AKAP11: variants seen among roughly 807,000 people sequenced by gnomAD.
AKAP11 encodes the protein A-kinase anchoring protein 11, also known as A-kinase anchor protein 11.
A neutral mutation model predicts 146.1 loss-of-function variants in AKAP11; 36 were observed. That is an observed-to-expected ratio of 0.25 (90% CI 0.19 to 0.33). AKAP11 has a LOEUF of 0.33. Ranked by LOEUF, AKAP11 falls within the 10% of genes least tolerant of loss-of-function variation. The probability of loss-of-function intolerance (pLI) is 1.00; values close to 1 mark genes in which losing one functional copy is unlikely to be tolerated. For missense variants in AKAP11, 2,201 were observed against 2,197.0 expected (o/e 1.00, Z -0.04); for synonymous variants, 780 against 786.5 (o/e 0.99, Z 0.14).
At chr13:42,295,122 T>A (rs924065962) in intron 4 of AKAP11, among the ~76,000 whole-genome samples, 4 of 152,164 alleles carry the variant, frequency 2.6e-5, no homozygotes, top group Non-Finnish European at 5.9e-5. Context: ...GGAAGGCCTC[T>A]CTGAGGAGGT....
At chr13:42,296,527 A>C (rs900182266) in intron 5 of AKAP11, among the ~76,000 whole-genome samples, 1 of 152,136 alleles carries the variant, frequency 6.6e-6, no homozygotes, top group Admixed American at 6.5e-5. Flanking sequence ...ATAAAGGGCA[A>C]ACAAGAAGAA....
chr13:42,288,682 G>T (rs1375874178), intron 3 of AKAP11, among the ~76,000 whole-genome samples: 1 of 152,202 alleles, frequency 6.6e-6, no homozygotes, highest in East Asian at 1.9e-4. Context: ...GCCTTTGGCA[G>T]TTAGGACTTA....
At chr13:42,305,566 G>A (rs115955854) in intron 8 of AKAP11, among the ~76,000 whole-genome samples, 4,897 of 152,068 alleles carry the variant, frequency 0.032, 110 homozygotes, top group Middle Eastern at 0.048. Flanking sequence ...TTTGTGATGT[G>A]GAAATTATAT....
rs554550769 is a variant in AKAP11, at chr13:42,303,471, T to G, written c.4725T>G (p.Tyr1575Ter). The part of the protein sequence containing the change: ...ETTKSADRVT[Y>*]AEKLSPLTGQ... ...CAAAATCAGCAGACAGGGTCACTTATGCAGAAAAGTTGTCACCTCTTACAG... is the reference window on the plus strand; with the variant it reads ...CAAAATCAGCAGACAGGGTCACTTAGGCAGAAAAGTTGTCACCTCTTACAG... The change falls in exon 8 of 13, where the codon TAT becomes TAG. Residue 1575 changes from tyrosine to a stop codon, truncating the protein, a stop_gained. Coordinates refer to ENST00000025301, the MANE Select transcript of AKAP11 (RefSeq NM_016248.4). LOFTEE classifies it high-confidence loss of function. 1 of 1,614,200 alleles carries G rather than the reference T, an allele frequency of 6.2e-7. No individual in the cohort carries two copies. Among genetic ancestry groups the G allele is most frequent in the Non-Finnish European group, 8.5e-7 (1 of 1,180,022 alleles).
chr13:42,271,769 G>T (rs1958771719), upstream of AKAP11, among the ~76,000 whole-genome samples: 1 of 152,028 alleles, frequency 6.6e-6, no homozygotes, highest in South Asian at 2.1e-4. Context: ...CCGCAGGTTC[G>T]TAGGTCGCCC....
rs1180073248 is a variant in AKAP11, at chr13:42,308,523, T to C, written c.5187T>C (p.Gly1729=). ...GCCAGCAGATGAACCTCAGTATTGGTGATGACAGCACTGGTAGCTGGTCCA... is the reference window on the plus strand; with the variant it reads ...GCCAGCAGATGAACCTCAGTATTGGCGATGACAGCACTGGTAGCTGGTCCA... The part of the protein sequence containing the change: ...VSSQQMNLSI[G]DDSTGSWSNL... Residue 1729 remains glycine, a synonymous_variant, in exon 9 of 13, where the codon GGT becomes GGC. Coordinates refer to ENST00000025301, the MANE Select transcript of AKAP11 (RefSeq NM_016248.4). 1 of 1,613,460 alleles carries C rather than the reference T, an allele frequency of 6.2e-7. No homozygotes were observed. The highest frequency in any genetic ancestry group is 8.5e-7 in the Non-Finnish European group (1 of 1,179,518).
chr13:42,301,178 A>T lies in AKAP11; in HGVS notation c.2432A>T (p.Asn811Ile), dbSNP rs774148499. The T allele has an allele frequency of 6.2e-7, 1 of 1,614,122 alleles. No homozygotes were observed. Among genetic ancestry groups the T allele is most frequent in the South Asian group, 1.1e-5 (1 of 91,086 alleles). ...GCTCATCTGTCATCTGATGATAGTA[A>T]TTCAAATGGTGATTCTGCCCAAGTG... is the stretch of plus-strand genomic sequence containing the variant. ...AKAHLSSDDS[N>I]SNGDSAQVHI... Residue 811 changes from asparagine (N) to isoleucine (I), a missense_variant, in exon 8 of 13, where the codon AAT becomes ATT. Asn to Ile is a moderately radical substitution (Grantham distance 149, BLOSUM62 -3). Transcript: ENST00000025301.
chr13:42,272,251 C>T (rs1257274722), intron 1 of AKAP11, 23 bp downstream of exon 1: 1 of 152,312 alleles, frequency 6.6e-6, no homozygotes, highest in Non-Finnish European at 1.5e-5. Context: ...CCGACGTGCT[C>T]GCCGCGGAGG....
Position 42,301,088 on chromosome 13 carries a change from C to T in AKAP11, c.2342C>T (p.Pro781Leu), listed in dbSNP as rs754044712. The T allele has an allele frequency of 1.5e-5, 25 of 1,613,892 alleles. No individual in the cohort carries two copies. Among genetic ancestry groups the T allele is most frequent in the African/African-American group, 9.3e-5 (7 of 74,900 alleles). Residue 781 changes from proline (P) to leucine (L), a missense_variant, in exon 8 of 13, where the codon CCG becomes CTG. Around this residue, in one of 3 missense-constraint regions of AKAP11, gnomAD observed 1,867 missense variants for 1,833.5 expected, o/e 1.02. Transcript: ENST00000025301. ...FCTSGIVTSI[P>L]VPLAGSALLP... is the part of the protein sequence containing the mutation. ...ACTTCTGGAATTGTTACTTCTATAC[C>T]GGTGCCCTTGGCAGGAAGTGCCCTT...
chr13:42,300,598 T>C lies in AKAP11; in HGVS notation c.1852T>C (p.Phe618Leu), dbSNP rs1339089111. The stretch of plus-strand genomic sequence containing the variant: ...ACGTGCCATTAGTGGCCTGGCTAAC[T>C]TTTTGGTGAGTGAAGCTTTATCAAA... ...KERAISGLAN[F>L]LVSEALSNAL... The change falls in exon 8 of 13, where the codon TTT becomes CTT. Residue 618 changes from phenylalanine to leucine, a missense_variant. Around this residue, in one of 3 missense-constraint regions of AKAP11, gnomAD observed 1,867 missense variants for 1,833.5 expected, o/e 1.02. Transcript: ENST00000025301. 2 of 1,613,942 alleles carry C rather than the reference T, an allele frequency of 1.2e-6. No homozygotes were observed. Among genetic ancestry groups the C allele is most frequent in the African/African-American group, 1.3e-5 (1 of 74,924 alleles).
chr13:42,277,736 A>G (rs1451933056), intron 1 of AKAP11, among the ~76,000 whole-genome samples: 1 of 152,216 alleles, frequency 6.6e-6, no homozygotes, highest in Non-Finnish European at 1.5e-5. Flanking sequence ...CGTTCACTTC[A>G]GTAAATCTAT....
intron 8 of AKAP11, among the ~76,000 whole-genome samples, chr13:42,307,343 A>T (rs546892371): frequency 6.6e-6 from 1 of 152,296 alleles, no homozygotes; most frequent in African/African-American, 2.4e-5. Flanking sequence ...AGCTTATGTT[A>T]TAGTGGAATA....
At chr13:42,316,967 T>C (rs892209789) in intron 11 of AKAP11, among the ~76,000 whole-genome samples, 4 of 152,174 alleles carry the variant, frequency 2.6e-5, no homozygotes, top group Non-Finnish European at 5.9e-5. Context: ...AACCTCTGCC[T>C]CCTGGGTTCC....
Position 42,302,060 on chromosome 13 carries a change from C to T in AKAP11, c.3314C>T (p.Pro1105Leu). Residue 1105 changes from proline to leucine, a missense_variant, in exon 8 of 13, where the codon CCT becomes CTT. By Grantham distance (98) the Pro-to-Leu change is moderately conservative. This residue lies in a region of AKAP11 where 1,867 missense variants were observed against 1,833.5 expected (regional missense o/e 1.02). Coordinates refer to ENST00000025301, the MANE Select transcript of AKAP11 (RefSeq NM_016248.4). Reference protein sequence around the residue: ...NVIPDTPPSTPLVPSRASSEW... With the variant: ...NVIPDTPPSTLLVPSRASSEW... The stretch of plus-strand genomic sequence containing the variant: ...ATACCTGATACTCCTCCATCAACTC[C>T]TCTAGTACCATCCCGGGCTAGTTCT... 2 of 1,614,124 alleles carry T rather than the reference C, an allele frequency of 1.2e-6. No homozygotes were observed. Among genetic ancestry groups the T allele is most frequent in the South Asian group, 1.1e-5 (1 of 91,082 alleles).
Position 42,313,959 on chromosome 13 carries a change from C to A in AKAP11, c.5404+19C>A. 2 of 1,612,632 alleles carry A rather than the reference C, an allele frequency of 1.2e-6. No individual in the cohort carries two copies. The highest frequency in any genetic ancestry group is 1.1e-5 in the South Asian group (1 of 90,982). ...GTAGAAGGTAATTTGATTTGTTTTT[C>A]AAAGTGTTGGCATGTGTTTTGTATA... On this transcript the variant is annotated intron_variant, in intron 11 of 12. Transcript: ENST00000025301.
chr13:42,309,241 CTTATAGTCT>C (rs537067566), intron 9 of AKAP11, among the ~76,000 whole-genome samples: 233 of 152,252 alleles, frequency 1.5e-3, no homozygotes, highest in African/African-American at 5.3e-3. Flanking sequence ...ACAGTTGTTT[CTTATAGTCT>C]TAACCTCTAC....
intron 6 of AKAP11, among the ~76,000 whole-genome samples, 193 bp downstream of exon 6, chr13:42,297,375 C>G (rs1231789055): frequency 6.6e-6 from 1 of 151,690 alleles, no homozygotes; most frequent in Admixed American, 6.6e-5. Context: ...TTGGTCATAT[C>G]TTATAAATTA....
intron 4 of AKAP11, among the ~76,000 whole-genome samples, chr13:42,292,717 C>CA (rs1260005462): frequency 1.3e-5 from 2 of 152,126 alleles, no homozygotes; most frequent in Admixed American, 6.5e-5. Flanking sequence ...ACAATGAACT[C>CA]AAACAAATGA....
At chr13:42,281,790 T>C (rs2138439539) in intron 1 of AKAP11, among the ~76,000 whole-genome samples, 1 of 151,868 alleles carries the variant, frequency 6.6e-6, no homozygotes, top group East Asian at 1.9e-4. Context: ...CCAGAACCTG[T>C]CTTATTTTAC....
Sources: allele counts gnomAD v4.1 joint callset (sites outside exome capture counted in the v4.1 genomes callset), GRCh38; gene constraint gnomAD v4.1.1; regional missense constraint gnomAD v4.1.1; transcripts MANE v1.5; gene names NCBI Gene and HGNC (gene_info 2026-07-23, HGNC 2026-07-21).